The following JMJD4 variants were observed in gnomAD, a reference collection of about 807,000 sequenced individuals.
The protein encoded by JMJD4 is 2-oxoglutarate and iron-dependent oxygenase JMJD4.
JMJD4 carries 34 observed loss-of-function variants against 36.3 expected under a neutral mutation model. That is an observed-to-expected ratio of 0.94 (90% CI 0.71 to 1.25). The LOEUF is 1.25. Among genes scored for constraint, JMJD4 ranks in the 50% most tolerant of loss-of-function variants. JMJD4 has a pLI of 0.00. For synonymous variants in JMJD4, 269 were observed against 235.3 expected (o/e 1.14, Z -1.31); for missense variants, 584 against 559.1 (o/e 1.04, Z -0.45).
intron 2 of JMJD4, 148 bp downstream of exon 2, chr1:227,734,503 A>G (rs1042191232): frequency 7.9e-5 from 54 of 683,838 alleles, no homozygotes; most frequent in Non-Finnish European, 1.3e-4. Flanking sequence ...CATGCGGAAG[A>G]CAATCCAGTT....
chr1:227,732,792 TGAGAAGCTGCGCGGTGACCAA>T, intron 5 of JMJD4, 68 bp downstream of exon 5: 1 of 1,592,416 alleles, frequency 6.3e-7, no homozygotes, highest in Non-Finnish European at 8.5e-7. Flanking sequence ...ACAGAGGCAC[TGAGAAGCTGCGCGGTGACCAA>T]GGGAGTCTGA....
Position 227,734,050 on chromosome 1 carries a change from GGGCACCACC to G in JMJD4, c.429-27_429-19del. On this transcript the variant is annotated intron_variant, in intron 2 of 5. Transcript: ENST00000620518. Reference sequence around the variant, plus strand: ...GAAAGTCCCTGTGAGGAGGGCGCAAGGGCACCACCGACAGCACGTGAGGCACGAGGAGAC... The same window carrying G: ...GAAAGTCCCTGTGAGGAGGGCGCAAGGACAGCACGTGAGGCACGAGGAGAC... The G allele has an allele frequency of 1.2e-6, 2 of 1,610,014 alleles. No homozygotes were observed. The highest frequency in any genetic ancestry group is 1.7e-6 in the Non-Finnish European group (2 of 1,178,600).
chr1:227,734,678 A>T lies in JMJD4; in HGVS notation c.401T>A (p.Leu134His). Reference sequence around the variant, plus strand: ...GCACAAGTGCCAGTCTTTGAGGTAGAGACAGCCCCTGGGAGAGGAGTAGCC... The same window carrying T: ...GCACAAGTGCCAGTCTTTGAGGTAGTGACAGCCCCTGGGAGAGGAGTAGCC... ...QAGYSSPRGC[L>H]YLKDWHLCRD... Residue 134 changes from leucine to histidine, a missense_variant, in exon 2 of 6, where the codon CTC becomes CAC. Leu to His is a moderately conservative substitution (Grantham distance 99). Coordinates refer to ENST00000620518, the MANE Select transcript of JMJD4 (RefSeq NM_023007.3). 1 of 1,614,122 alleles carries T rather than the reference A, an allele frequency of 6.2e-7. No homozygotes were observed.
In JMJD4 at chr1:227,735,248, G is replaced by A; in HGVS notation, c.26C>T (p.Ala9Val). 1 of 1,601,864 alleles carries A rather than the reference G, an allele frequency of 6.2e-7. No individual in the cohort carries two copies. The highest frequency in any genetic ancestry group is 8.5e-7 in the Non-Finnish European group (1 of 1,175,154). The change falls in exon 1 of 6, where the codon GCC (alanine) becomes GTC (valine). Residue 9 changes from alanine to valine, a missense_variant. Coordinates refer to ENST00000620518, the MANE Select transcript of JMJD4 (RefSeq NM_023007.3). MDRETRALADSHFRGLGVD... is the reference protein window; with the variant it reads MDRETRALVDSHFRGLGVD... ...CCCCAGGCCTCGGAAGTGGCTGTCG[G>A]CGAGGGCGCGCGTCTCGCGGTCCAT...
At position 227,733,549 on chromosome 1, in the gene JMJD4, G is replaced by C; in HGVS notation, c.687C>G (p.Asp229Glu). 1 of 1,606,400 alleles carries C rather than the reference G, an allele frequency of 6.2e-7. No homozygotes were observed. Among genetic ancestry groups the C allele is most frequent in the Non-Finnish European group, 8.5e-7 (1 of 1,177,242 alleles). The change falls in exon 4 of 6, where the codon GAC becomes GAG. Residue 229 changes from aspartate (D) to glutamate (E), a missense_variant. Transcript: ENST00000620518. ...TGTCGCAGAGTGCTGGGGAGGTCAC[G>C]TCGTAGGGCAGGTTGCCGTGGCGGT... ...LRDRHGNLPY[D>E]VTSPALCDTH...
intron 5 of JMJD4, 23 bp from the exon 6 acceptor site, chr1:227,732,699 TGA>T (rs1286424534): frequency 6.2e-7 from 1 of 1,609,920 alleles, no homozygotes; most frequent in Non-Finnish European, 8.5e-7. Context: ...AAGAGGCCAG[TGA>T]GCTAACACCA....
At position 227,732,920 on chromosome 1, in the gene JMJD4, C is replaced by T; in HGVS notation, c.930G>A (p.Glu310=). 2 of 1,613,064 alleles carry T rather than the reference C, an allele frequency of 1.2e-6. No homozygotes were observed. Among genetic ancestry groups the T allele is most frequent in the South Asian group, 1.1e-5 (1 of 91,078 alleles). Residue 310 remains glutamate, a synonymous_variant, in exon 5 of 6, where the codon GAG becomes GAA. Coordinates refer to ENST00000620518, the MANE Select transcript of JMJD4 (RefSeq NM_023007.3). ...GCCAGTCGGGCATGGAGTCCCTCCA[C>T]TCGCTGACCTCCTCCTGCACGGCGC... is the stretch of plus-strand genomic sequence containing the variant. The part of the protein sequence containing the change: ...ELCAVQEEVS[E]WRDSMPDWHH...
At position 227,733,897 on chromosome 1, in the gene JMJD4, G is replaced by A. The variant is rs377131254; in HGVS notation, c.554+10C>T. ...CCCTTCGGGTTCCACTCCCACATCC[G>A]TGGCCTCACCAGCTGCCCGCAGGCC... is the stretch of plus-strand genomic sequence containing the variant. On this transcript the variant is annotated intron_variant, in intron 3 of 5. Coordinates refer to ENST00000620518, the MANE Select transcript of JMJD4 (RefSeq NM_023007.3). The A allele has an allele frequency of 8.1e-6, 13 of 1,612,936 alleles. No homozygotes were observed. The African/African-American group carries it at 1.3e-4, about 17-fold the overall frequency.
In JMJD4 at chr1:227,732,123, G is replaced by A. The variant is rs1660688749; in HGVS notation, c.*269C>T. 19 of 556,888 alleles carry A rather than the reference G, an allele frequency of 3.4e-5. No individual in the cohort carries two copies. The South Asian group carries it at 3.9e-4, about 11-fold the overall frequency. 34.5% of individuals were successfully genotyped at this position (556,888 alleles called of 1,614,324 possible). A position where few individuals can be genotyped will look rare whatever the true frequency, so the allele number is the denominator to read the frequency against. On this transcript the variant is annotated 3_prime_UTR_variant, in exon 6 of 6. Coordinates refer to ENST00000620518, the MANE Select transcript of JMJD4 (RefSeq NM_023007.3). ...TCAGGCGTCCTGGCCTAAGGAGGCA[G>A]GGCCCCCAAAAGAGCCAGGTCCTGG...
intron 5 of JMJD4, 90 bp from the exon 6 acceptor site, chr1:227,732,766 A>T: frequency 6.3e-7 from 1 of 1,590,214 alleles, no homozygotes; most frequent in Non-Finnish European, 8.6e-7. Context: ...CCAAGGACGA[A>T]GAAGGGACCA....
At position 227,732,330 on chromosome 1, in the gene JMJD4, G is replaced by C; in HGVS notation, c.*62C>G. On this transcript the variant is annotated 3_prime_UTR_variant, in exon 6 of 6. Coordinates refer to ENST00000620518, the MANE Select transcript of JMJD4 (RefSeq NM_023007.3). ...ACAGGGAGGGCGGTCTTTATTTCTGGAAGGGCCCCGGAGCAGGAGGCTGCC... is the reference window on the plus strand; with the variant it reads ...ACAGGGAGGGCGGTCTTTATTTCTGCAAGGGCCCCGGAGCAGGAGGCTGCC... The C allele has an allele frequency of 6.3e-7, 1 of 1,576,520 alleles. No homozygotes were observed. The highest frequency in any genetic ancestry group is 8.7e-7 in the Non-Finnish European group (1 of 1,154,904).
intron 5 of JMJD4, 74 bp downstream of exon 5, chr1:227,732,806 GT>G: frequency 6.3e-7 from 1 of 1,596,608 alleles, no homozygotes; most frequent in Non-Finnish European, 8.5e-7. Flanking sequence ...AAGCTGCGCG[GT>G]GACCAAGGGA....
chr1:227,733,278 C>A, intron 4 of JMJD4, 136 bp downstream of exon 4: 1 of 994,480 alleles, frequency 1.0e-6, no homozygotes, highest in Non-Finnish European at 1.4e-6. Flanking sequence ...CTCAGCGACA[C>A]CACCTTGTGA....
At chr1:227,734,562 G>C in intron 2 of JMJD4, 89 bp downstream of exon 2, 1 of 1,277,048 alleles carries the variant, frequency 7.8e-7, no homozygotes, top group African/African-American at 1.5e-5. Context: ...GCTCCGTTGT[G>C]CACCCAGGGG....
Position 227,732,028 on chromosome 1 carries a change from C to T in JMJD4, c.*364G>A, listed in dbSNP as rs562692046. 22 of 314,834 alleles carry T rather than the reference C, an allele frequency of 7.0e-5. No homozygotes were observed. The highest frequency in any genetic ancestry group is 6.1e-4 in the South Asian group (16 of 26,172). The allele number at this position is 314,834 out of a possible 1,614,324, so 19.5% of individuals were successfully genotyped here. A position where few individuals can be genotyped will look rare whatever the true frequency, so the allele number is the denominator to read the frequency against. ...CCAGGGGTGGTCCAATGGCCTGAGA[C>T]GAGGGGACAGGGCTGGCCTATTAAG... On this transcript the variant is annotated 3_prime_UTR_variant, in exon 6 of 6. Coordinates refer to ENST00000620518, the MANE Select transcript of JMJD4 (RefSeq NM_023007.3).
Position 227,733,637 on chromosome 1 carries a change from A to T in JMJD4, c.599T>A (p.Val200Asp). 6.2e-7 allele frequency: 1 copy of T among 1,604,816 alleles called. No homozygotes were observed. Among genetic ancestry groups the T allele is most frequent in the Non-Finnish European group, 8.5e-7 (1 of 1,179,512 alleles). The change falls in exon 4 of 6, where the codon GTC (valine) becomes GAC (aspartate). Residue 200 changes from valine to aspartate, a missense_variant. Coordinates refer to ENST00000620518, the MANE Select transcript of JMJD4 (RefSeq NM_023007.3). ...ADIFRSFSWS[V>D]NVCGRKKWLL... ...CCACTTCTTCCTCCCACAGACATTG[A>T]CAGACCAGCTGAAGGAGCGGAAGAT... is the stretch of plus-strand genomic sequence containing the variant.
chr1:227,734,166 A>C (rs1571966471), intron 2 of JMJD4, 134 bp from the exon 3 acceptor site: 4 of 1,019,646 alleles, frequency 3.9e-6, no homozygotes, highest in Non-Finnish European at 2.8e-6. Context: ...AGAGCCCCAG[A>C]CCCTCCTCTG....
chr1:227,732,700 G>A, intron 5 of JMJD4, 24 bp from the exon 6 acceptor site: 1 of 1,609,374 alleles, frequency 6.2e-7, no homozygotes. Flanking sequence ...AGAGGCCAGT[G>A]AGCTAACACC....
chr1:227,732,207 G>C lies in JMJD4; in HGVS notation c.*185C>G. ...GGTCAGAAGGGCCACATCCCATCTT[G>C]GGTCCCTGACCTCATTGGGCCTCAC... is the stretch of plus-strand genomic sequence containing the variant. On this transcript the variant is annotated 3_prime_UTR_variant, in exon 6 of 6. Transcript: ENST00000620518. 1 of 655,838 alleles carries C rather than the reference G, an allele frequency of 1.5e-6. No homozygotes were observed. The highest frequency in any genetic ancestry group is 2.6e-6 in the Non-Finnish European group (1 of 378,688). 40.6% of individuals were successfully genotyped at this position (655,838 alleles called of 1,614,324 possible).
Sources: gnomAD v4.1 joint callset for allele counts on GRCh38, gnomAD v4.1.1 for gene constraint, MANE v1.5 for transcripts, NCBI Gene and HGNC (gene_info 2026-07-23, HGNC 2026-07-21) for gene names.